The following OPCML variants were observed in gnomAD, a reference collection of about 807,000 sequenced individuals.
OPCML encodes opioid-binding protein/cell adhesion molecule.
OPCML carries 13 observed loss-of-function variants against 37.8 expected under a neutral mutation model. The ratio of observed to expected loss-of-function variants is 0.34; its 90% CI spans 0.22 to 0.55. OPCML has a LOEUF of 0.55. Ranked by LOEUF, OPCML falls within the 20% of genes least tolerant of loss-of-function variation. The probability of loss-of-function intolerance (pLI) is 0.91; values close to 1 mark genes in which losing one functional copy is unlikely to be tolerated. For synonymous variants in OPCML, 176 were observed against 168.8 expected (o/e 1.04, Z -0.33); for missense variants, 341 against 435.6 (o/e 0.78, Z 1.93).
At chr11:133,230,630 C>T (rs1012898539) in intron 1 of OPCML, among the ~76,000 whole-genome samples, 1 of 152,186 alleles carries the variant, frequency 6.6e-6, no homozygotes, top group Non-Finnish European at 1.5e-5. Context: ...GTGGCCATAA[C>T]TCAGTTAATC....
At chr11:133,383,647 G>A (rs775990556) in intron 1 of OPCML, among the ~76,000 whole-genome samples, 12 of 152,126 alleles carry the variant, frequency 7.9e-5, no homozygotes, top group African/African-American at 1.9e-4. Context: ...AATAACGTGC[G>A]TCTTCAGAGA....
chr11:132,921,877 T>C (rs1029367515), intron 2 of OPCML, among the ~76,000 whole-genome samples: 2 of 151,980 alleles, frequency 1.3e-5, no homozygotes, highest in Non-Finnish European at 2.9e-5. Flanking sequence ...AGTGAGACTA[T>C]AAATTTTACC....
At chr11:133,361,124 C>T (rs1268505224) in intron 1 of OPCML, 1 of 152,348 alleles carries the variant, frequency 6.6e-6, no homozygotes, top group African/African-American at 2.4e-5. Context: ...AGGCCGGGGC[C>T]TTCGGCCTCC....
At chr11:132,738,915 C>A (rs1393977643) in intron 2 of OPCML, among the ~76,000 whole-genome samples, 1 of 152,074 alleles carries the variant, frequency 6.6e-6, no homozygotes, top group Non-Finnish European at 1.5e-5. Flanking sequence ...AATATGCTAA[C>A]CCAAAATATG....
chr11:132,624,524 C>T (rs1271720771), intron 3 of OPCML, among the ~76,000 whole-genome samples: 4 of 152,116 alleles, frequency 2.6e-5, no homozygotes, highest in East Asian at 1.9e-4. Flanking sequence ...GTCCCTTGTC[C>T]TCTATGTAAC....
intron 1 of OPCML, among the ~76,000 whole-genome samples, chr11:133,256,988 C>T (rs1009132116): frequency 5.9e-5 from 9 of 152,168 alleles, no homozygotes; most frequent in African/African-American, 1.7e-4. Context: ...AAGAATGCTC[C>T]GATTTACAGT....
chr11:132,833,829 G>T (rs537779095), intron 2 of OPCML, among the ~76,000 whole-genome samples: 1 of 152,198 alleles, frequency 6.6e-6, no homozygotes, highest in Non-Finnish European at 1.5e-5. Context: ...ACGCAGCACT[G>T]TATTTAAAGG....
intron 3 of OPCML, among the ~76,000 whole-genome samples, chr11:132,533,037 G>C (rs575929189): frequency 5.9e-5 from 9 of 152,218 alleles, no homozygotes; most frequent in Non-Finnish European, 8.8e-5. Flanking sequence ...TATTGCTACT[G>C]CTTGTAAATA....
rs548528246 is a variant in OPCML at position 133,444,159 on chromosome 11, A to C, written c.61+88105T>G. 2.5e-4 allele frequency among the ~76,000 whole-genome samples: 38 copies of C among 152,268 alleles called. No homozygotes were observed. The South Asian group carries it at 7.9e-3, about 32-fold the overall frequency. ...AAGTAGAAGCAGCAGCGAGGAGTGG[A>C]AAAGCAGGCTGCAGCCTTCTTCCTG... On this transcript the variant is annotated intron_variant, in intron 1 of 7. Transcript: ENST00000524381.
intron 1 of OPCML, among the ~76,000 whole-genome samples, chr11:133,028,695 C>CA (rs553062920): frequency 5.0e-4 from 75 of 151,292 alleles, no homozygotes; most frequent in East Asian, 1.7e-3. Context: ...TCACCATATA[C>CA]AAAAAAAATC....
chr11:132,565,904 G>A (rs138794375), intron 3 of OPCML, among the ~76,000 whole-genome samples: 344 of 152,256 alleles, frequency 2.3e-3, no homozygotes, highest in African/African-American at 7.6e-3. Context: ...ATGGTGGCGG[G>A]CGCCTGCAGT....
intron 2 of OPCML, among the ~76,000 whole-genome samples, chr11:132,711,712 A>G (rs1944269692): frequency 6.6e-6 from 1 of 152,194 alleles, no homozygotes. Context: ...GTACATATAC[A>G]TGTGTGTGGT....
intron 1 of OPCML, among the ~76,000 whole-genome samples, chr11:133,341,526 C>G (rs1290017444): frequency 6.6e-6 from 1 of 152,156 alleles, no homozygotes; most frequent in African/African-American, 2.4e-5. Context: ...AGCTGAATAC[C>G]CTACAGGAAG....
intron 1 of OPCML, chr11:133,299,500 C>T (rs1221445793): frequency 6.6e-6 from 1 of 152,228 alleles, no homozygotes; most frequent in Non-Finnish European, 1.5e-5. Flanking sequence ...CCAAAACCAT[C>T]CACAAGTTAT....
At chr11:132,913,730 A>T (rs1944504883) in intron 2 of OPCML, among the ~76,000 whole-genome samples, 1 of 152,180 alleles carries the variant, frequency 6.6e-6, no homozygotes, top group Non-Finnish European at 1.5e-5. Context: ...TCCTTCTGAA[A>T]TGACCCACAA....
chr11:133,471,632 A>T (rs988440537), intron 1 of OPCML, among the ~76,000 whole-genome samples: 3 of 152,162 alleles, frequency 2.0e-5, no homozygotes, highest in African/African-American at 7.2e-5. Context: ...TAAAAAAAAC[A>T]AGAGTAAAAA....
chr11:133,450,178 C>T (rs983264351), intron 1 of OPCML, among the ~76,000 whole-genome samples: 5 of 151,630 alleles, frequency 3.3e-5, no homozygotes, highest in Admixed American at 6.6e-5. Flanking sequence ...CCAACTTTGC[C>T]GCTTCCTTAC....
At chr11:133,071,243 G>A (rs752000148) in intron 1 of OPCML, among the ~76,000 whole-genome samples, 6 of 152,146 alleles carry the variant, frequency 3.9e-5, no homozygotes, top group Admixed American at 6.5e-5. Context: ...TGTGCTTCAA[G>A]GAAACCAGCA....
chr11:132,789,658 C>T (rs566030312), intron 2 of OPCML, among the ~76,000 whole-genome samples: 3 of 152,124 alleles, frequency 2.0e-5, no homozygotes, highest in Admixed American at 6.6e-5. Flanking sequence ...CAATATTTTG[C>T]ATGGGAGGAA....
Sources: allele counts gnomAD v4.1 joint callset (sites outside exome capture counted in the v4.1 genomes callset), GRCh38; gene constraint gnomAD v4.1.1; transcripts MANE v1.5; gene names NCBI Gene and HGNC (gene_info 2026-07-23, HGNC 2026-07-21).